FTO: variants seen among roughly 807,000 people sequenced by gnomAD.
FTO encodes alpha-ketoglutarate-dependent dioxygenase FTO.
A neutral mutation model predicts 63.9 loss-of-function variants in FTO; 47 were observed. That is an observed-to-expected ratio of 0.74 (90% CI 0.58 to 0.94). FTO has a LOEUF of 0.94. Ranked by LOEUF, FTO falls within the 40% of genes least tolerant of loss-of-function variation. The probability of loss-of-function intolerance (pLI) is 0.00; values close to 1 mark genes in which losing one functional copy is unlikely to be tolerated. For synonymous variants in FTO, 207 were observed against 224.4 expected (o/e 0.92, Z 0.69); for missense variants, 562 against 618.1 (o/e 0.91, Z 0.96).
intron 6 of FTO, chr16:53,886,889 C>G (rs772756968): frequency 2.0e-5 from 3 of 152,194 alleles, no homozygotes. Context: ...AACATGATCA[C>G]CTTAGCAAAG....
chr16:53,829,397 TG>T (rs1448441720), intron 3 of FTO, among the ~76,000 whole-genome samples: 1 of 152,246 alleles, frequency 6.6e-6, no homozygotes, highest in Non-Finnish European at 1.5e-5. Context: ...GGTGTCTGGC[TG>T]TGTGTCAGAC....
chr16:53,729,823 C>T (rs997077469), intron 1 of FTO, among the ~76,000 whole-genome samples: 2 of 152,150 alleles, frequency 1.3e-5, no homozygotes, highest in Non-Finnish European at 2.9e-5. Context: ...CCACAAATGC[C>T]ACCTCTTCTG....
intron 7 of FTO, among the ~76,000 whole-genome samples, chr16:53,915,820 A>G (rs1170836651): frequency 6.6e-6 from 1 of 152,230 alleles, no homozygotes; most frequent in Non-Finnish European, 1.5e-5. Context: ...ATCTTTGGGT[A>G]TGGAATGTGT....
chr16:53,987,599 A>T (rs1306881463), intron 8 of FTO, among the ~76,000 whole-genome samples: 1 of 32,368 alleles, frequency 3.1e-5, no homozygotes, highest in African/African-American at 1.7e-4. Context: ...AAAAAAAAAG[A>T]AAAGAAAAGA....
chr16:53,856,627 G>T (rs930628945), intron 4 of FTO, among the ~76,000 whole-genome samples: 1 of 130,332 alleles, frequency 7.7e-6, no homozygotes, highest in African/African-American at 3.2e-5. Context: ...GCGTGTGCCT[G>T]TAATCCCAGC....
chr16:53,946,025 A>G (rs1234524940), intron 8 of FTO, among the ~76,000 whole-genome samples: 1 of 152,176 alleles, frequency 6.6e-6, no homozygotes, highest in East Asian at 1.9e-4. Context: ...CTGTAATGTT[A>G]TAGATAAAAG....
At chr16:53,962,019 G>C (rs1178225197) in intron 8 of FTO, among the ~76,000 whole-genome samples, 1 of 152,154 alleles carries the variant, frequency 6.6e-6, no homozygotes, top group African/African-American at 2.4e-5. Context: ...CGAATCACTA[G>C]TCCTCACTGC....
At position 54,119,498 on chromosome 16, in the gene FTO, G is replaced by A. The variant is rs140013102; in HGVS notation, c.*7583G>A. 1 of 152,146 alleles carries A rather than the reference G, an allele frequency of 6.6e-6. No homozygotes were observed. Among genetic ancestry groups the A allele is most frequent in the Non-Finnish European group, 1.5e-5 (1 of 68,020 alleles). The allele number at this position is 152,146 out of a possible 1,614,324, so 9.4% of individuals were successfully genotyped here. Reference sequence around the variant, plus strand: ...GATTATGCCTTGATTAGAGTCAGGAGAGAAGCAAACCAGGTATATAGGATT... The same window carrying A: ...GATTATGCCTTGATTAGAGTCAGGAAAGAAGCAAACCAGGTATATAGGATT... On this transcript the variant is annotated 3_prime_UTR_variant, in exon 9 of 9. Coordinates refer to ENST00000471389, the MANE Select transcript of FTO (RefSeq NM_001080432.3).
At position 54,111,869 on chromosome 16, in the gene FTO, A is replaced by G; in HGVS notation, c.1472A>G (p.Asp491Gly). ...ATGCCTCTGCCGTTTGACCTCACAG[A>G]CATCGTTTCAGAACTCAGAGGTCAG... ...ASMPLPFDLT[D>G]IVSELRGQLL... The change falls in exon 9 of 9, where the codon GAC becomes GGC. Residue 491 changes from aspartate to glycine, a missense_variant. By Grantham distance (94) the Asp-to-Gly change is moderately conservative. Coordinates refer to ENST00000471389, the MANE Select transcript of FTO (RefSeq NM_001080432.3). 2 of 1,614,178 alleles carry G rather than the reference A, an allele frequency of 1.2e-6. No individual in the cohort carries two copies. The highest frequency in any genetic ancestry group is 2.2e-5 in the East Asian group (1 of 44,880).
intron 4 of FTO, among the ~76,000 whole-genome samples, chr16:53,859,098 G>GGA (rs1383261255): frequency 1.6e-4 from 25 of 152,184 alleles, no homozygotes; most frequent in Admixed American, 1.2e-3. Flanking sequence ...AGATGAGAAG[G>GGA]GAGAGAGGTT....
intron 1 of FTO, among the ~76,000 whole-genome samples, chr16:53,709,380 G>A (rs1357030913): frequency 6.6e-6 from 1 of 152,202 alleles, no homozygotes; most frequent in Non-Finnish European, 1.5e-5. Context: ...GTATTTGATG[G>A]TTTGAGTTAG....
At chr16:53,978,943 G>C (rs2083483700) in intron 8 of FTO, among the ~76,000 whole-genome samples, 2 of 152,078 alleles carry the variant, frequency 1.3e-5, no homozygotes, top group Non-Finnish European at 1.5e-5. Flanking sequence ...AAGTTGCAGT[G>C]AGCTGAGATC....
intron 7 of FTO, among the ~76,000 whole-genome samples, chr16:53,898,228 G>A (rs546787522): frequency 1.3e-3 from 204 of 152,090 alleles, no homozygotes; most frequent in African/African-American, 4.6e-3. Context: ...CTCCCCTAAT[G>A]TCTGCCTTAC....
At chr16:53,910,711 A>G (rs1304724066) in intron 7 of FTO, among the ~76,000 whole-genome samples, 2 of 151,868 alleles carry the variant, frequency 1.3e-5, no homozygotes, top group Non-Finnish European at 1.5e-5. Flanking sequence ...AATTTTCGTA[A>G]TTTTAGTAGA....
At chr16:53,803,737 TG>T (rs1462042445) in intron 1 of FTO, among the ~76,000 whole-genome samples, 2 of 152,178 alleles carry the variant, frequency 1.3e-5, no homozygotes, top group African/African-American at 2.4e-5. Context: ...TAGCTCTGGA[TG>T]GGCCTTAGTT....
At chr16:53,946,837 C>A (rs1052855941) in intron 8 of FTO, among the ~76,000 whole-genome samples, 1 of 152,184 alleles carries the variant, frequency 6.6e-6, no homozygotes, top group African/African-American at 2.4e-5. Flanking sequence ...CTGCAATGAA[C>A]CCTCGGAAAG....
chr16:53,759,081 T>A (rs2076987661), intron 1 of FTO, among the ~76,000 whole-genome samples: 1 of 152,126 alleles, frequency 6.6e-6, no homozygotes, highest in African/African-American at 2.4e-5. Flanking sequence ...TGCTGCGTAA[T>A]GGGCGCATAG....
At chr16:54,076,643 G>C (rs1017658134) in intron 8 of FTO, among the ~76,000 whole-genome samples, 2 of 151,996 alleles carry the variant, frequency 1.3e-5, no homozygotes. Context: ...AATTATGTGG[G>C]TGTAAGCAGC....
At chr16:53,931,298 C>CTTTTTTTTTTTT (rs869204000) in intron 7 of FTO, among the ~76,000 whole-genome samples, 1 of 101,964 alleles carries the variant, frequency 9.8e-6, no homozygotes, top group African/African-American at 3.8e-5. Flanking sequence ...AACTATGTGA[C>CTTTTTTTTTTTT]TTTTTTTTTT....
Sources: allele counts gnomAD v4.1 joint callset (sites outside exome capture counted in the v4.1 genomes callset), GRCh38; gene constraint gnomAD v4.1.1; transcripts MANE v1.5; gene names NCBI Gene and HGNC (gene_info 2026-07-23, HGNC 2026-07-21).